Variants in UST observed in about 807,000 individuals in gnomAD.
UST encodes chondroitin sulfate 2-O-sulfotransferase.
In UST, 21 loss-of-function variants were observed where a neutral mutation model predicts 45.6. The observed-to-expected ratio is 0.46, with a 90% CI of 0.33 to 0.66. UST has a LOEUF of 0.66. Among genes scored for constraint, UST ranks in the 30% least tolerant of loss-of-function variants. UST has a pLI of 0.02. For synonymous variants in UST, 215 were observed against 200.6 expected (o/e 1.07, Z -0.61); for missense variants, 463 against 512.4 (o/e 0.90, Z 0.93).
chr6:149,019,207 G>A lies in UST; in HGVS notation c.750G>A (p.Pro250=), dbSNP rs759955446. 2.0e-5 allele frequency: 32 copies of A among 1,613,704 alleles called. No homozygotes were observed. Among genetic ancestry groups the A allele is most frequent in the South Asian group, 1.4e-4 (13 of 91,078 alleles). The change falls in exon 6 of 8, where the codon CCG becomes CCA. Residue 250 remains proline (P), a synonymous_variant. Transcript: ENST00000367463. ...CSNPRLFYII[P]YFCGQHPRCR... ...ACCCCAGGTTATTTTACATCATTCC[G>A]TACTTTTGTGGACAGCATCCCAGAT...
chr6:148,762,983 T>G (rs1007684629), intron 1 of UST, among the ~76,000 whole-genome samples: 1 of 152,212 alleles, frequency 6.6e-6, no homozygotes, highest in Non-Finnish European at 1.5e-5. Context: ...AGGTGTTTAT[T>G]TGATAGAATG....
Position 148,887,019 on chromosome 6 carries a change from C to G in UST, c.281C>G (p.Pro94Arg). 2 of 1,612,780 alleles carry G rather than the reference C, an allele frequency of 1.2e-6. No homozygotes were observed. The highest frequency in any genetic ancestry group is 2.7e-5 in the African/African-American group (2 of 74,998). ...NSTYLDDHGP[P>R]PSKVLPFPSQ... ...ACTTACTTGGATGACCATGGACCAC[C>G]TCCTAGTAAGGTAAGATCTTTGCTT... Residue 94 changes from proline (P) to arginine (R), a missense_variant, in exon 2 of 8, where the codon CCT (proline) becomes CGT (arginine). By Grantham distance (103) the Pro-to-Arg change is moderately radical. Transcript: ENST00000367463.
chr6:148,850,395 A>G (rs1309702274), intron 1 of UST, among the ~76,000 whole-genome samples: 3 of 152,184 alleles, frequency 2.0e-5, no homozygotes, highest in Non-Finnish European at 2.9e-5. Flanking sequence ...AAGAAGCACA[A>G]TCAACCAGAG....
chr6:148,932,519 A>G (rs2114912169), intron 2 of UST, among the ~76,000 whole-genome samples: 1 of 152,280 alleles, frequency 6.6e-6, no homozygotes, highest in African/African-American at 2.4e-5. Context: ...CCTCATATGT[A>G]TATTTTTTTC....
intron 1 of UST, among the ~76,000 whole-genome samples, chr6:148,823,305 T>A (rs1333508805): frequency 6.6e-6 from 1 of 152,230 alleles, no homozygotes; most frequent in Non-Finnish European, 1.5e-5. Flanking sequence ...AGTTTATCAC[T>A]GACATTATAA....
At chr6:148,823,621 A>G (rs1450751218) in intron 1 of UST, among the ~76,000 whole-genome samples, 2 of 152,238 alleles carry the variant, frequency 1.3e-5, no homozygotes, top group African/African-American at 4.8e-5. Context: ...ATGTGATATT[A>G]GTATTGGTAG....
intron 7 of UST, among the ~76,000 whole-genome samples, chr6:149,061,943 A>T (rs1776660840): frequency 6.6e-6 from 1 of 152,270 alleles, no homozygotes; most frequent in South Asian, 2.1e-4. Context: ...CAAATTAAGT[A>T]ACTGACCAGC....
At chr6:148,885,936 C>A (rs1444189183) in intron 1 of UST, among the ~76,000 whole-genome samples, 2 of 152,214 alleles carry the variant, frequency 1.3e-5, no homozygotes, top group Admixed American at 1.3e-4. Context: ...ACATTTCATT[C>A]CATTAGCTTG....
At chr6:149,028,097 G>T (rs1241093819) in intron 7 of UST, among the ~76,000 whole-genome samples, 1 of 151,988 alleles carries the variant, frequency 6.6e-6, no homozygotes, top group African/African-American at 2.4e-5. Flanking sequence ...ACCTGCCTCG[G>T]CCTCCGAAAG....
intron 5 of UST, among the ~76,000 whole-genome samples, chr6:148,984,556 AC>A (rs1354891392): frequency 6.6e-6 from 1 of 152,218 alleles, no homozygotes; most frequent in Non-Finnish European, 1.5e-5. Context: ...TTTTTTAGAG[AC>A]GGGATCTCAC....
At chr6:148,864,931 A>C (rs1323770623) in intron 1 of UST, among the ~76,000 whole-genome samples, 2 of 152,188 alleles carry the variant, frequency 1.3e-5, no homozygotes, top group Non-Finnish European at 2.9e-5. Flanking sequence ...AATTTTTAAA[A>C]TGTGGTGTGC....
At chr6:148,771,105 A>G (rs1776416933) in intron 1 of UST, among the ~76,000 whole-genome samples, 1 of 152,142 alleles carries the variant, frequency 6.6e-6, no homozygotes, top group Non-Finnish European at 1.5e-5. Context: ...GCTAAAATGG[A>G]AAGAAAAATC....
At chr6:148,944,388 G>A (rs1247980639) in intron 3 of UST, among the ~76,000 whole-genome samples, 1 of 151,888 alleles carries the variant, frequency 6.6e-6, no homozygotes, top group African/African-American at 2.4e-5. Flanking sequence ...AATGAACTTT[G>A]GAATATTATC....
At chr6:148,966,705 GA>G (rs1236493595) in intron 5 of UST, among the ~76,000 whole-genome samples, 1 of 152,282 alleles carries the variant, frequency 6.6e-6, no homozygotes, top group Admixed American at 6.5e-5. Flanking sequence ...AATGTGAGGG[GA>G]AAAAATTATG....
intron 5 of UST, among the ~76,000 whole-genome samples, chr6:148,966,014 A>G (rs1462459969): frequency 1.3e-5 from 2 of 151,796 alleles, no homozygotes; most frequent in South Asian, 2.1e-4. Context: ...ACTTGAGGCC[A>G]GGAGATCGAG....
intron 2 of UST, among the ~76,000 whole-genome samples, chr6:148,929,676 G>A (rs958169544): frequency 5.9e-5 from 9 of 152,092 alleles, no homozygotes; most frequent in Admixed American, 1.3e-4. Context: ...TTTGAGTTTC[G>A]TTGGGTTTTT....
At chr6:148,864,567 G>A (rs911570342) in intron 1 of UST, among the ~76,000 whole-genome samples, 17 of 152,182 alleles carry the variant, frequency 1.1e-4, no homozygotes, top group East Asian at 5.8e-4. Flanking sequence ...GAAATCACCC[G>A]TCTCTGTATT....
chr6:149,074,312 G>A lies in UST; in HGVS notation c.*196G>A. On this transcript the variant is annotated 3_prime_UTR_variant, in exon 8 of 8. Coordinates refer to ENST00000367463, the MANE Select transcript of UST (RefSeq NM_005715.3). ...TAATTTTATTCTGTGTTTTCTCTTG[G>A]CTCTTTGGGTCTTTCCCGGGTACAC... 3.1e-6 allele frequency: 2 copies of A among 637,912 alleles called. No individual in the cohort carries two copies. Among genetic ancestry groups the A allele is most frequent in the Non-Finnish European group, 5.3e-6 (2 of 377,904 alleles). The allele number at this position is 637,912 out of a possible 1,614,324, so 39.5% of individuals were successfully genotyped here.
At chr6:149,023,482 A>G (rs1776009539) in intron 7 of UST, among the ~76,000 whole-genome samples, 1 of 152,202 alleles carries the variant, frequency 6.6e-6, no homozygotes, top group African/African-American at 2.4e-5. Context: ...AGCCAGGACC[A>G]CCCAACTAAG....
Sources: gnomAD v4.1 joint callset for allele counts (sites outside exome capture counted in the v4.1 genomes callset) on GRCh38, gnomAD v4.1.1 for gene constraint, MANE v1.5 for transcripts, NCBI Gene and HGNC (gene_info 2026-07-23, HGNC 2026-07-21) for gene names.